The following TRERF1 variants were observed in gnomAD, a reference collection of about 807,000 sequenced individuals.
TRERF1 encodes the protein transcriptional-regulating factor 1.
In TRERF1, 27 loss-of-function variants were observed where a neutral mutation model predicts 122.9. The observed-to-expected ratio is 0.22, with a 90% CI of 0.16 to 0.30. The LOEUF is 0.30. TRERF1 is among the 10% of genes least tolerant of loss of function. The probability of loss-of-function intolerance (pLI) is 1.00; values close to 1 mark genes in which losing one functional copy is unlikely to be tolerated. For synonymous variants in TRERF1, 636 were observed against 641.7 expected, an observed-to-expected ratio of 0.99 and a Z score of 0.13; for missense variants, 1,248 against 1,560.3, an observed-to-expected ratio of 0.80 and a Z score of 3.37.
In TRERF1 at chr6:42,226,276, A is replaced by G. The variant is rs577050436; in HGVS notation, c.*2069T>C. ...GCTGGGCAAATCTCTAAACAGAGGC[A>G]ATACATTTGCTTTATAAACACTTTT... is the stretch of plus-strand genomic sequence containing the variant. On this transcript the variant is annotated 3_prime_UTR_variant, in exon 18 of 18. Transcript: ENST00000372922. The G allele has an allele frequency of 8.5e-5, 13 of 152,356 alleles. No individual in the cohort carries two copies. In the East Asian group the frequency reaches 2.5e-3, roughly 29 times the overall value. 9.4% of individuals were successfully genotyped at this position (152,356 alleles called of 1,614,324 possible). A position where few individuals can be genotyped will look rare whatever the true frequency, so the allele number is the denominator to read the frequency against.
chr6:42,326,606 C>T (rs1221082738), intron 3 of TRERF1, among the ~76,000 whole-genome samples: 2 of 152,194 alleles, frequency 1.3e-5, no homozygotes. Context: ...TTGATCATTC[C>T]ATTCTTTATA....
chr6:42,400,441 T>C (rs796784811), intron 2 of TRERF1, among the ~76,000 whole-genome samples: 29 of 152,296 alleles, frequency 1.9e-4, no homozygotes, highest in African/African-American at 7.0e-4. Context: ...TGTGAGGGGC[T>C]TTCCTTTGGC....
At chr6:42,306,633 A>G (rs1446301897) in intron 3 of TRERF1, among the ~76,000 whole-genome samples, 1 of 152,126 alleles carries the variant, frequency 6.6e-6, no homozygotes, top group Non-Finnish European at 1.5e-5. Context: ...CCTCAGACAC[A>G]CCAAGCTCTT....
intron 10 of TRERF1, among the ~76,000 whole-genome samples, chr6:42,257,763 T>C (rs532989867): frequency 2.0e-5 from 3 of 152,176 alleles, no homozygotes; most frequent in Non-Finnish European, 4.4e-5. Context: ...ACAAGCCCAT[T>C]TGGAGGACTG....
intron 2 of TRERF1, among the ~76,000 whole-genome samples, chr6:42,368,353 C>A (rs911054671): frequency 6.6e-6 from 1 of 152,104 alleles, no homozygotes; most frequent in Non-Finnish European, 1.5e-5. Flanking sequence ...GTTGGCTCCT[C>A]GGCGCCCCCA....
At chr6:42,419,221 T>C (rs1428196337) in intron 2 of TRERF1, among the ~76,000 whole-genome samples, 1 of 152,130 alleles carries the variant, frequency 6.6e-6, no homozygotes, top group Non-Finnish European at 1.5e-5. Flanking sequence ...ATTCAAAACC[T>C]GGAAGAAGTT....
At chr6:42,287,376 C>G (rs181524392) in intron 4 of TRERF1, among the ~76,000 whole-genome samples, 39 of 152,114 alleles carry the variant, frequency 2.6e-4, no homozygotes, top group African/African-American at 9.2e-4. Context: ...CAGTTGGCTC[C>G]CAGTGCCCCA....
At chr6:42,272,633 G>A (rs1780433264) in intron 4 of TRERF1, among the ~76,000 whole-genome samples, 1 of 152,202 alleles carries the variant, frequency 6.6e-6, no homozygotes, top group South Asian at 2.1e-4. Context: ...GCATCCAGGT[G>A]AGGCATAATT....
intron 2 of TRERF1, among the ~76,000 whole-genome samples, chr6:42,435,702 G>C (rs148844573): frequency 0.035 from 5,249 of 152,088 alleles, 120 homozygotes; most frequent in Non-Finnish European, 0.049. Flanking sequence ...GAGGCCGGGC[G>C]CAGTGGCTCA....
intron 4 of TRERF1, among the ~76,000 whole-genome samples, chr6:42,292,118 C>T (rs1784415740): frequency 6.6e-6 from 1 of 152,148 alleles, no homozygotes; most frequent in Non-Finnish European, 1.5e-5. Flanking sequence ...AGGTACAGGA[C>T]ACATGTGCTC....
rs531067956 is a variant in TRERF1 at position 42,298,179 on chromosome 6, A to G, written c.-259+2459T>C. On this transcript the variant is annotated intron_variant, in intron 4 of 17. Transcript: ENST00000372922. ...TTTTTGTTTTTGTTTTTTTTGAGAC[A>G]AAGTCTGGCTCTGTCACCCAGGCTG... 2.0e-5 allele frequency among the ~76,000 whole-genome samples: 3 copies of G among 151,826 alleles called. No homozygotes were observed. The East Asian group carries it at 5.9e-4, about 30-fold the overall frequency.
intron 16 of TRERF1, among the ~76,000 whole-genome samples, chr6:42,233,841 T>C (rs1433568211): frequency 6.6e-6 from 1 of 152,236 alleles, no homozygotes; most frequent in Non-Finnish European, 1.5e-5. Context: ...TTAGGTTTTC[T>C]GACGTATTCT....
intron 4 of TRERF1, among the ~76,000 whole-genome samples, chr6:42,272,178 G>T (rs568721259): frequency 1.3e-5 from 2 of 152,330 alleles, no homozygotes; most frequent in South Asian, 4.1e-4. Context: ...AGTTTTAAAA[G>T]ATTCTTTTAG....
intron 16 of TRERF1, among the ~76,000 whole-genome samples, chr6:42,233,368 C>T (rs1771098814): frequency 6.7e-6 from 1 of 150,204 alleles, no homozygotes; most frequent in Non-Finnish European, 1.5e-5. Context: ...TCACTGCAAG[C>T]TCCGCCTCCC....
chr6:42,226,655 G>A (rs943109665), exon 18 of TRERF1: 4 of 152,220 alleles, frequency 2.6e-5, no homozygotes, highest in African/African-American at 9.7e-5. Context: ...GAAGTTCAGA[G>A]ACCACTGTCT....
chr6:42,291,173 G>T (rs754544421), intron 4 of TRERF1, among the ~76,000 whole-genome samples: 1 of 152,208 alleles, frequency 6.6e-6, no homozygotes, highest in Non-Finnish European at 1.5e-5. Context: ...ACTTCCCAAG[G>T]TTGCATGATT....
chr6:42,337,588 G>A (rs1409213466), intron 3 of TRERF1, among the ~76,000 whole-genome samples: 2 of 152,192 alleles, frequency 1.3e-5, no homozygotes. Flanking sequence ...CACGCGTAAT[G>A]TGAGAGCTCA....
intron 4 of TRERF1, among the ~76,000 whole-genome samples, chr6:42,294,811 C>G (rs1784829898): frequency 6.6e-6 from 1 of 152,138 alleles, no homozygotes; most frequent in Non-Finnish European, 1.5e-5. Context: ...ACAGAGCTAG[C>G]TGACAAACAG....
intron 3 of TRERF1, among the ~76,000 whole-genome samples, chr6:42,340,486 T>C (rs1417393147): frequency 2.0e-5 from 3 of 152,172 alleles, no homozygotes; most frequent in Non-Finnish European, 4.4e-5. Flanking sequence ...CTTTTAAAAG[T>C]AGCATTTTCC....
Sources: gnomAD v4.1 joint callset for allele counts (sites outside exome capture counted in the v4.1 genomes callset) on GRCh38, gnomAD v4.1.1 for gene constraint, MANE v1.5 for transcripts, NCBI Gene and HGNC (gene_info 2026-07-23, HGNC 2026-07-21) for gene names.